The following THSD4 variants were observed in gnomAD, a reference collection of about 807,000 sequenced individuals.
The protein encoded by THSD4 is thrombospondin type 1 domain containing 4.
A neutral mutation model predicts 119.0 loss-of-function variants in THSD4; 69 were observed. The ratio of observed to expected loss-of-function variants is 0.58; its 90% CI spans 0.48 to 0.71. The LOEUF (loss-of-function observed/expected upper bound fraction) is 0.71. Ranked by LOEUF, THSD4 falls within the 30% of genes least tolerant of loss-of-function variation. The pLI is 0.00. For synonymous variants in THSD4, 524 were observed against 540.4 expected (o/e 0.97, Z 0.42); for missense variants, 1,393 against 1,391.1 (o/e 1.00, Z -0.02).
chr15:71,616,892 G>A (rs1056272822), intron 7 of THSD4, among the ~76,000 whole-genome samples: 2 of 152,176 alleles, frequency 1.3e-5, no homozygotes, highest in South Asian at 4.1e-4. Context: ...CCACTGTGCA[G>A]CAAATCTCCT....
At chr15:71,536,192 G>A (rs1161260070) in intron 7 of THSD4, among the ~76,000 whole-genome samples, 1 of 152,200 alleles carries the variant, frequency 6.6e-6, no homozygotes, top group Non-Finnish European at 1.5e-5. Context: ...TCACTAGACT[G>A]CCATCAAGGT....
intron 7 of THSD4, among the ~76,000 whole-genome samples, chr15:71,473,385 A>T (rs1327959964): frequency 6.6e-6 from 1 of 152,080 alleles, no homozygotes; most frequent in Non-Finnish European, 1.5e-5. Flanking sequence ...AACTGTTTTT[A>T]GGTCATTCAA....
chr15:71,285,943 A>AT (rs573007493), intron 6 of THSD4, among the ~76,000 whole-genome samples: 3,101 of 145,634 alleles, frequency 0.021, 58 homozygotes, highest in South Asian at 0.083. Flanking sequence ...CATTGCAAGA[A>AT]TTTTTTTTTT....
At chr15:71,143,523 C>A (rs1290193698) in intron 2 of THSD4, among the ~76,000 whole-genome samples, 1 of 151,860 alleles carries the variant, frequency 6.6e-6, no homozygotes, top group Non-Finnish European at 1.5e-5. Context: ...GGTAGGTTCG[C>A]CATGTGCTAA....
At chr15:71,614,939 G>A (rs1012486119) in intron 7 of THSD4, among the ~76,000 whole-genome samples, 6 of 152,094 alleles carry the variant, frequency 3.9e-5, no homozygotes, top group Admixed American at 2.6e-4. Flanking sequence ...CCTCTGCGGA[G>A]CATGCTTCCC....
chr15:71,523,982 C>T (rs74589282), intron 7 of THSD4, among the ~76,000 whole-genome samples: 2,427 of 152,258 alleles, frequency 0.016, 28 homozygotes, highest in Middle Eastern at 0.048. Context: ...AACATCCCCA[C>T]GTATATCATA....
At chr15:71,222,672 G>T (rs1288400868) in intron 4 of THSD4, among the ~76,000 whole-genome samples, 1 of 152,182 alleles carries the variant, frequency 6.6e-6, no homozygotes, top group African/African-American at 2.4e-5. Flanking sequence ...GTTTCCTATA[G>T]ACGTTTTTCT....
chr15:71,574,448 A>C (rs1314470890), intron 7 of THSD4, among the ~76,000 whole-genome samples: 3 of 152,186 alleles, frequency 2.0e-5, no homozygotes, highest in South Asian at 2.1e-4. Context: ...TGGAAACACT[A>C]AACCAAGATC....
intron 6 of THSD4, among the ~76,000 whole-genome samples, chr15:71,264,318 C>A (rs957990432): frequency 6.6e-6 from 1 of 152,142 alleles, no homozygotes; most frequent in African/African-American, 2.4e-5. Flanking sequence ...AAGGGGCAGA[C>A]CTTAGAGAAA....
At chr15:71,682,070 C>A (rs781425709) in intron 8 of THSD4, among the ~76,000 whole-genome samples, 2 of 152,176 alleles carry the variant, frequency 1.3e-5, no homozygotes, top group Non-Finnish European at 2.9e-5. Context: ...ATCCGACCCC[C>A]CCTGGAAAGG....
chr15:71,451,615 T>C (rs1242615865), intron 7 of THSD4, among the ~76,000 whole-genome samples: 1 of 152,126 alleles, frequency 6.6e-6, no homozygotes, highest in African/African-American at 2.4e-5. Flanking sequence ...GACAGAGGCA[T>C]GGGGGCTGGG....
chr15:71,382,726 T>C (rs2046243901), intron 6 of THSD4, among the ~76,000 whole-genome samples: 1 of 152,194 alleles, frequency 6.6e-6, no homozygotes, highest in African/African-American at 2.4e-5. Context: ...ATGGAATAAA[T>C]AATTTTGAAG....
At chr15:71,653,464 AT>A (rs577539391) in intron 7 of THSD4, among the ~76,000 whole-genome samples, 200 of 152,336 alleles carry the variant, frequency 1.3e-3, no homozygotes, top group African/African-American at 4.5e-3. Flanking sequence ...GTCTGGAGAC[AT>A]TTTTGTTTGT....
At chr15:71,179,960 G>A (rs1166641230) in intron 3 of THSD4, among the ~76,000 whole-genome samples, 1 of 90,650 alleles carries the variant, frequency 1.1e-5, no homozygotes, top group African/African-American at 4.0e-5. Context: ...CATGGACACA[G>A]GAAGGGGAAT....
At chr15:71,567,596 A>ACC (rs149069118) in intron 7 of THSD4, among the ~76,000 whole-genome samples, 2,514 of 132,040 alleles carry the variant, frequency 0.019, 63 homozygotes, top group South Asian at 0.051. Context: ...GAACAAAGAC[A>ACC]CCCCCCCACA....
At chr15:71,341,766 T>C in intron 6 of THSD4, 1 of 813,174 alleles carries the variant, frequency 1.2e-6, no homozygotes, top group Non-Finnish European at 2.2e-6. Context: ...CTTTTCTTCC[T>C]TTTTTCTCCT....
At chr15:71,370,028 G>T (rs577478041) in intron 6 of THSD4, among the ~76,000 whole-genome samples, 1 of 151,776 alleles carries the variant, frequency 6.6e-6, no homozygotes, top group African/African-American at 2.4e-5. Flanking sequence ...ATGTGTCGAG[G>T]AATTTATCCA....
chr15:71,123,757 G>A (rs953614932), intron 1 of THSD4, among the ~76,000 whole-genome samples: 3 of 152,242 alleles, frequency 2.0e-5, no homozygotes, highest in African/African-American at 7.2e-5. Flanking sequence ...GGAGAGGGAA[G>A]AGGGAGAAAG....
chr15:71,483,137 T>G (rs1487267303), intron 7 of THSD4, among the ~76,000 whole-genome samples: 3 of 152,156 alleles, frequency 2.0e-5, no homozygotes, highest in African/African-American at 7.2e-5. Flanking sequence ...TCTTTAATAT[T>G]TAATAAAAGC....
Sources: gnomAD v4.1 joint callset for allele counts (sites outside exome capture counted in the v4.1 genomes callset) on GRCh38, gnomAD v4.1.1 for gene constraint, MANE v1.5 for transcripts, NCBI Gene and HGNC (gene_info 2026-07-23, HGNC 2026-07-21) for gene names.